The following TENM3 variants were observed in gnomAD, a reference collection of about 807,000 sequenced individuals.
The protein encoded by TENM3 is teneurin transmembrane protein 3.
In TENM3, 63 loss-of-function variants were observed where a neutral mutation model predicts 255.1. The observed-to-expected ratio is 0.25, with a 90% CI of 0.20 to 0.30. The LOEUF (loss-of-function observed/expected upper bound fraction) is 0.30. TENM3 is among the 10% of genes least tolerant of loss of function. The pLI is 1.00. For missense variants in TENM3, 2,929 were observed against 3,461.1 expected (o/e 0.85, Z 3.86); for synonymous variants, 1,306 against 1,322.3 (o/e 0.99, Z 0.27).
intron 4 of TENM3, among the ~76,000 whole-genome samples, chr4:182,622,226 G>A (rs940221491): frequency 3.3e-5 from 5 of 151,786 alleles, no homozygotes; most frequent in African/African-American, 9.7e-5. Context: ...TGGCATGGTG[G>A]CACATGCCTT....
Position 182,754,290 on chromosome 4 carries a change from T to G in TENM3, c.4018-95T>G. On this transcript the variant is annotated intron_variant, in intron 21 of 27. Coordinates refer to ENST00000511685, the MANE Select transcript of TENM3 (RefSeq NM_001080477.4). This position sits in a 1 kb window ranked among gnomAD's most constrained non-coding sequence, Gnocchi z 5.1. ...TATTATCAGACAGTTTATCTCAGAT[T>G]AATGCCAATTTCCCTGAATGGTCTA... is the stretch of plus-strand genomic sequence containing the variant. The G allele has an allele frequency of 7.6e-7, 1 of 1,308,994 alleles. No individual in the cohort carries two copies. Among genetic ancestry groups the G allele is most frequent in the African/African-American group, 1.5e-5 (1 of 67,192 alleles). The allele number at this position is 1,308,994 out of a possible 1,614,324, so 81.1% of individuals were successfully genotyped here. A position where few individuals can be genotyped will look rare whatever the true frequency, so the allele number is the denominator to read the frequency against.
chr4:182,396,252 A>G (rs1047350659), intron 3 of TENM3, among the ~76,000 whole-genome samples: 4 of 152,178 alleles, frequency 2.6e-5, no homozygotes, highest in African/African-American at 9.6e-5. Context: ...TTTCTGGATG[A>G]GGCTGTCTAA....
chr4:182,555,202 T>C (rs185134493), intron 3 of TENM3, among the ~76,000 whole-genome samples: 125 of 152,312 alleles, frequency 8.2e-4, no homozygotes, highest in African/African-American at 2.8e-3. Context: ...CAAATCATTC[T>C]GTATTGTTCA....
At chr4:182,076,221 T>A in the TENM3 span, among the ~76,000 whole-genome samples, 1 of 149,842 alleles carries the variant, frequency 6.7e-6, no homozygotes, top group Non-Finnish European at 1.5e-5. Flanking sequence ...TTCTTTTTTT[T>A]TTTTTTTTTT....
the TENM3 span, among the ~76,000 whole-genome samples, chr4:181,450,621 G>C: frequency 1.3e-5 from 2 of 152,176 alleles, no homozygotes; most frequent in Non-Finnish European, 2.9e-5. Flanking sequence ...GACTTGTTCA[G>C]ATGACACCAG....
At chr4:182,260,585 C>A (rs565037135) in intron 1 of TENM3, among the ~76,000 whole-genome samples, 48 of 152,174 alleles carry the variant, frequency 3.2e-4, no homozygotes, top group Non-Finnish European at 5.3e-4. Flanking sequence ...TTTTATACTT[C>A]TGTTTTTGAT....
At chr4:182,428,155 G>C (rs922039196) in intron 3 of TENM3, among the ~76,000 whole-genome samples, 69 of 152,154 alleles carry the variant, frequency 4.5e-4, no homozygotes, top group African/African-American at 1.7e-3. Context: ...GATTCAGAGA[G>C]CTAATGGATA....
chr4:182,182,679 A>G (rs1275361777), intron 1 of TENM3, among the ~76,000 whole-genome samples: 2 of 152,178 alleles, frequency 1.3e-5, no homozygotes, highest in African/African-American at 4.8e-5. Flanking sequence ...GCTTAGTTCC[A>G]CTGTTTAACT....
At chr4:182,457,969 A>G (rs1014612908) in intron 3 of TENM3, among the ~76,000 whole-genome samples, 6 of 152,240 alleles carry the variant, frequency 3.9e-5, no homozygotes, top group African/African-American at 1.2e-4. Flanking sequence ...TTCCTATTCT[A>G]GAATAGAAAT....
At chr4:181,835,021 G>A in the TENM3 span, 1 of 152,196 alleles carries the variant, frequency 6.6e-6, no homozygotes, top group Non-Finnish European at 1.5e-5. Context: ...TGGAGGGGAA[G>A]GGGGCACCCA....
chr4:182,786,544 G>A (rs1176508396), intron 24 of TENM3, among the ~76,000 whole-genome samples: 1 of 142,492 alleles, frequency 7.0e-6, no homozygotes, highest in East Asian at 2.0e-4. Context: ...GTGACAGAGT[G>A]AGACCCCGTC....
chr4:181,450,604 G>A, the TENM3 span, among the ~76,000 whole-genome samples: 1 of 152,140 alleles, frequency 6.6e-6, no homozygotes, highest in African/African-American at 2.4e-5. Context: ...AATTCAGAAT[G>A]CGACCTGACT....
At chr4:182,771,361 G>A (rs976097658) in intron 22 of TENM3, among the ~76,000 whole-genome samples, 2 of 152,114 alleles carry the variant, frequency 1.3e-5, no homozygotes, top group African/African-American at 2.4e-5. Flanking sequence ...TTTAAATCAG[G>A]CACTGTGATC....
At chr4:181,945,990 A>G in the TENM3 span, among the ~76,000 whole-genome samples, 1 of 152,124 alleles carries the variant, frequency 6.6e-6, no homozygotes, top group East Asian at 1.9e-4. Flanking sequence ...ATAGGTCCCT[A>G]TTGTTCCATA....
chr4:182,475,316 G>A (rs1295013501), intron 3 of TENM3, among the ~76,000 whole-genome samples: 1 of 152,138 alleles, frequency 6.6e-6, no homozygotes, highest in Non-Finnish European at 1.5e-5. Flanking sequence ...ATATATCAGT[G>A]ATTATCAAAT....
chr4:181,522,820 G>T, the TENM3 span: 4 of 908,250 alleles, frequency 4.4e-6, no homozygotes, highest in African/African-American at 6.5e-5. Context: ...TATGTTGATA[G>T]AAATGCACCT....
At chr4:182,742,494 G>A (rs1418081778) in intron 18 of TENM3, among the ~76,000 whole-genome samples, 2 of 152,304 alleles carry the variant, frequency 1.3e-5, no homozygotes, top group Non-Finnish European at 1.5e-5. Context: ...GACAGGATAG[G>A]TAGAGTTAAA....
intron 3 of TENM3, among the ~76,000 whole-genome samples, chr4:182,366,181 A>G (rs1000646302): frequency 5.9e-5 from 9 of 152,066 alleles, no homozygotes; most frequent in African/African-American, 1.9e-4. Flanking sequence ...AGATCTTAAT[A>G]TTCTGCAAAT....
chr4:182,410,822 A>C (rs1031585975), intron 3 of TENM3, among the ~76,000 whole-genome samples: 7 of 152,210 alleles, frequency 4.6e-5, no homozygotes, highest in Non-Finnish European at 8.8e-5. Context: ...GACATATCAT[A>C]TTGAATTACA....
Sources: gnomAD v4.1 joint callset for allele counts (sites outside exome capture counted in the v4.1 genomes callset) on GRCh38, gnomAD v4.1.1 for gene constraint, Gnocchi (gnomAD v3.1) non-coding constraint, MANE v1.5 for transcripts, NCBI Gene and HGNC (gene_info 2026-07-23, HGNC 2026-07-21) for gene names.